CCSER1: variants seen among roughly 807,000 people sequenced by gnomAD.
The protein encoded by CCSER1 is coiled-coil serine rich protein 1.
A neutral mutation model predicts 82.0 loss-of-function variants in CCSER1; 41 were observed. That is an observed-to-expected ratio of 0.50 (90% CI 0.39 to 0.65). The LOEUF (loss-of-function observed/expected upper bound fraction) is 0.65. Ranked by LOEUF, CCSER1 falls within the 30% of genes least tolerant of loss-of-function variation. The pLI is 0.00. For missense variants in CCSER1, 1,119 were observed against 1,064.2 expected (o/e 1.05, Z -0.72); for synonymous variants, 414 against 383.9 (o/e 1.08, Z -0.92).
chr4:90,559,909 A>G (rs1457498255), intron 5 of CCSER1, among the ~76,000 whole-genome samples: 3 of 150,940 alleles, frequency 2.0e-5, no homozygotes, highest in Admixed American at 2.0e-4. Flanking sequence ...ACTTTAGTCC[A>G]GGCAGTTCCC....
At chr4:90,436,739 A>G (rs1197000841) in intron 4 of CCSER1, among the ~76,000 whole-genome samples, 1 of 152,136 alleles carries the variant, frequency 6.6e-6, no homozygotes, top group Non-Finnish European at 1.5e-5. Context: ...TTATGCATAT[A>G]TGCATATTAG....
chr4:90,285,396 C>T (rs1305672019), intron 1 of CCSER1, among the ~76,000 whole-genome samples: 1 of 151,758 alleles, frequency 6.6e-6, no homozygotes, highest in African/African-American at 2.4e-5. Flanking sequence ...AATTTTACTT[C>T]TAGTTATTGT....
intron 10 of CCSER1, among the ~76,000 whole-genome samples, chr4:91,552,429 C>T (rs1762200668): frequency 6.6e-6 from 1 of 151,622 alleles, no homozygotes; most frequent in African/African-American, 2.4e-5. Flanking sequence ...AATTAATAAT[C>T]AATAACCAAT....
In CCSER1 at chr4:90,691,726, G is replaced by T. The variant is rs114477003; in HGVS notation, c.1933-32188G>T. Among the ~76,000 whole-genome samples the T allele has an allele frequency of 2.6e-3, 401 of 151,574 alleles. 1 individual carries two copies. Among genetic ancestry groups the T allele is most frequent in the African/African-American group, 9.4e-3 (388 of 41,382 alleles). ...ATATGTTATTTTATTTTACATTCAG[G>T]AGTACATATGCAGGTTTGTTATATA... is the stretch of plus-strand genomic sequence containing the variant. On this transcript the variant is annotated intron_variant, in intron 6 of 10. Transcript: ENST00000509176.
intron 3 of CCSER1, among the ~76,000 whole-genome samples, chr4:90,379,692 G>A (rs1036037701): frequency 1.3e-5 from 2 of 152,164 alleles, no homozygotes; most frequent in African/African-American, 4.8e-5. Flanking sequence ...AACTTCTACA[G>A]ACACTGGGAT....
intron 5 of CCSER1, among the ~76,000 whole-genome samples, chr4:90,534,444 TGTGTGTGTG>T (rs1775037725): frequency 4.5e-5 from 3 of 66,450 alleles, no homozygotes; most frequent in African/African-American, 2.0e-4. Context: ...CAGCCTTTTG[TGTGTGTGTG>T]TGTGTGTGTG....
intron 3 of CCSER1, among the ~76,000 whole-genome samples, chr4:90,315,643 A>G (rs895073517): frequency 1.3e-5 from 2 of 152,048 alleles, no homozygotes; most frequent in Admixed American, 1.3e-4. Flanking sequence ...AGCTGGGACC[A>G]CAAGTGTGTG....
chr4:90,960,633 C>T (rs1388476426), intron 9 of CCSER1, among the ~76,000 whole-genome samples: 1 of 152,188 alleles, frequency 6.6e-6, no homozygotes, highest in African/African-American at 2.4e-5. Flanking sequence ...AAATGCCTCA[C>T]TGCTGACCAA....
chr4:90,868,317 T>C (rs568063371), intron 8 of CCSER1, among the ~76,000 whole-genome samples: 86 of 152,180 alleles, frequency 5.7e-4, no homozygotes, highest in African/African-American at 2.0e-3. Context: ...TTGTACTTAC[T>C]AAACATCCCT....
intron 8 of CCSER1, among the ~76,000 whole-genome samples, chr4:90,891,748 G>A (rs183295785): frequency 3.0e-4 from 45 of 152,038 alleles, no homozygotes; most frequent in African/African-American, 1.0e-3. Context: ...TAAGAGTGCG[G>A]TTTTCATTTA....
intron 5 of CCSER1, among the ~76,000 whole-genome samples, chr4:90,477,101 A>C (rs1475227045): frequency 1.3e-5 from 2 of 152,216 alleles, no homozygotes; most frequent in Admixed American, 1.3e-4. Context: ...CATCCCATGA[A>C]AAAAATCGAT....
intron 4 of CCSER1, among the ~76,000 whole-genome samples, chr4:90,447,915 T>C (rs1760884296): frequency 6.6e-6 from 1 of 152,176 alleles, no homozygotes; most frequent in Non-Finnish European, 1.5e-5. Context: ...TAAAATATTA[T>C]AGAGTTAATT....
chr4:90,421,277 T>G (rs1359873194), intron 4 of CCSER1, among the ~76,000 whole-genome samples: 1 of 152,188 alleles, frequency 6.6e-6, no homozygotes, highest in Non-Finnish European at 1.5e-5. Context: ...ATACTCTATC[T>G]TATTAATCAC....
intron 10 of CCSER1, among the ~76,000 whole-genome samples, chr4:91,277,819 G>C (rs988712146): frequency 1.3e-5 from 2 of 151,338 alleles, no homozygotes; most frequent in African/African-American, 4.9e-5. Flanking sequence ...GGGTTTTGTT[G>C]TTACAAACTT....
At chr4:91,175,756 T>A (rs1256518466) in intron 10 of CCSER1, among the ~76,000 whole-genome samples, 1 of 152,222 alleles carries the variant, frequency 6.6e-6, no homozygotes, top group African/African-American at 2.4e-5. Context: ...GGTAAAAATT[T>A]TCTCCCATTC....
At chr4:91,020,890 C>T (rs1027045197) in intron 9 of CCSER1, among the ~76,000 whole-genome samples, 1 of 152,116 alleles carries the variant, frequency 6.6e-6, no homozygotes, top group African/African-American at 2.4e-5. Flanking sequence ...TATTTAAAGG[C>T]GATCTACTTA....
At chr4:90,239,040 G>A (rs1021999703) in intron 1 of CCSER1, among the ~76,000 whole-genome samples, 10 of 152,048 alleles carry the variant, frequency 6.6e-5, no homozygotes, top group African/African-American at 2.4e-4. Flanking sequence ...TAGTAGAGAC[G>A]GGGTTTTACC....
intron 6 of CCSER1, among the ~76,000 whole-genome samples, chr4:90,644,559 A>G (rs1727148074): frequency 6.6e-6 from 1 of 152,022 alleles, no homozygotes; most frequent in South Asian, 2.1e-4. Flanking sequence ...TACTGCATCT[A>G]TAGACCCATC....
At chr4:91,088,381 T>C (rs1052275222) in intron 10 of CCSER1, among the ~76,000 whole-genome samples, 1 of 152,108 alleles carries the variant, frequency 6.6e-6, no homozygotes, top group Non-Finnish European at 1.5e-5. Context: ...AGAGTATTCA[T>C]AGAAAATGAA....
Sources: gnomAD v4.1 joint callset for allele counts (sites outside exome capture counted in the v4.1 genomes callset) on GRCh38, gnomAD v4.1.1 for gene constraint, MANE v1.5 for transcripts, NCBI Gene and HGNC (gene_info 2026-07-23, HGNC 2026-07-21) for gene names.